The following VPS13D variants were observed in gnomAD, a reference collection of about 807,000 sequenced individuals.
The protein encoded by VPS13D is intermembrane lipid transfer protein VPS13D.
VPS13D carries 187 observed loss-of-function variants against 461.9 expected under a neutral mutation model. That is an observed-to-expected ratio of 0.40 (90% CI 0.36 to 0.46). VPS13D has a LOEUF of 0.46. Among genes scored for constraint, VPS13D ranks in the 20% least tolerant of loss-of-function variants. VPS13D has a pLI of 0.60. For synonymous variants in VPS13D, 1,951 were observed against 1,986.3 expected (o/e 0.98, Z 0.47); for missense variants, 4,711 against 5,364.9 (o/e 0.88, Z 3.81).
At chr1:12,290,890 A>C (rs1462684904) in intron 22 of VPS13D, 108 bp from the exon 23 acceptor site, 8 of 1,102,636 alleles carry the variant, frequency 7.3e-6, no homozygotes, top group African/African-American at 1.6e-5. Flanking sequence ...GTTTGATTAC[A>C]AAGTGAAAAG....
At chr1:12,322,884 T>C (rs920602892) in intron 34 of VPS13D, 138 bp downstream of exon 34, 3 of 720,118 alleles carry the variant, frequency 4.2e-6, no homozygotes, top group Non-Finnish European at 4.5e-6. Context: ...GTCCTAAGTA[T>C]GACTCTCTCA....
intron 59 of VPS13D, 75 bp downstream of exon 59, chr1:12,385,448 C>G: frequency 8.4e-7 from 1 of 1,195,782 alleles, no homozygotes; most frequent in Non-Finnish European, 1.2e-6. Flanking sequence ...TATTTTAGAC[C>G]TTCTGTTTTC....
chr1:12,459,281 A>G (rs1645371851), intron 66 of VPS13D, among the ~76,000 whole-genome samples: 1 of 152,204 alleles, frequency 6.6e-6, no homozygotes, highest in South Asian at 2.1e-4. Context: ...ATTAGCTACA[A>G]TAAATAATCT....
chr1:12,262,020 C>A lies in VPS13D; in HGVS notation c.1534C>A (p.His512Asn). 1.9e-6 allele frequency: 3 copies of A among 1,614,118 alleles called. No individual in the cohort carries two copies. The highest frequency in any genetic ancestry group is 2.5e-6 in the Non-Finnish European group (3 of 1,180,002). The change falls in exon 13 of 70, where the codon CAC becomes AAC. Residue 512 changes from histidine to asparagine, a missense_variant. Around this residue, in one of 3 missense-constraint regions of VPS13D, gnomAD observed 4,411 missense variants for 4,937.8 expected, o/e 0.89. Transcript: ENST00000620676. ...QLQRGTVTLL[H>N]KEQGTPQMNE... ...GCAGCGAGGTACAGTGACTCTGTTA[C>A]ACAAGGAGCAAGGAACTCCTCAAAT...
In VPS13D at chr1:12,383,128, C is replaced by T. The variant is rs554299513; in HGVS notation, c.11343C>T (p.Ile3781=). The T allele has an allele frequency of 5.0e-6, 8 of 1,613,864 alleles. No individual in the cohort carries two copies. Among genetic ancestry groups the T allele is most frequent in the Admixed American group, 1.7e-5 (1 of 59,980 alleles). Residue 3781 remains isoleucine, a synonymous_variant, in exon 58 of 70, where the codon ATC becomes ATT. Transcript: ENST00000620676. ...CTGGAATGTTATCCATCAGAGTCAT[C>T]CCAGATGGACCAACTAGAGCACTCC... ...PGSGMLSIRV[I]PDGPTRALQI...
At chr1:12,233,745 C>T (rs1013582175) in intron 1 of VPS13D, among the ~76,000 whole-genome samples, 1 of 152,148 alleles carries the variant, frequency 6.6e-6, no homozygotes, top group East Asian at 1.9e-4. Context: ...AGCTTCTTGC[C>T]TCATCTTTTA....
At chr1:12,312,063 C>G (rs1642767037) in intron 29 of VPS13D, 138 bp downstream of exon 29, 1 of 686,262 alleles carries the variant, frequency 1.5e-6, no homozygotes, top group African/African-American at 1.8e-5. Context: ...TTTGGTTGAT[C>G]TACACAGTGC....
At chr1:12,423,099 A>G (rs1264251726) in intron 65 of VPS13D, among the ~76,000 whole-genome samples, 2 of 152,140 alleles carry the variant, frequency 1.3e-5, no homozygotes, top group African/African-American at 4.8e-5. Flanking sequence ...TCTTCTTTAT[A>G]GGCAATAAGA....
intron 26 of VPS13D, among the ~76,000 whole-genome samples, chr1:12,307,889 T>A (rs1010687123): frequency 3.3e-5 from 5 of 151,986 alleles, no homozygotes; most frequent in African/African-American, 4.8e-5. Flanking sequence ...AGGTATTTGG[T>A]GGGGAGAGTG....
Position 12,466,652 on chromosome 1 carries a change from A to ATATGTATATGTATAT in VPS13D, c.12662+6256_12662+6257insTATGTATATGTATAT, listed in dbSNP as rs563234643. ...CCAGATGAGTCCGGTACGCTGTAGT[A>ATATGTATATGTATAT]GCATCCATATAGAGGCATGTATATG... On this transcript the variant is annotated intron_variant, in intron 67 of 69. Transcript: ENST00000620676. Among the ~76,000 whole-genome samples the ATATGTATATGTATAT allele has an allele frequency of 1.6e-3, 251 of 152,320 alleles. 4 individuals carry two copies. Among genetic ancestry groups the ATATGTATATGTATAT allele is most frequent in the African/African-American group, 5.8e-3 (243 of 41,576 alleles).
intron 1 of VPS13D, among the ~76,000 whole-genome samples, chr1:12,231,190 A>G (rs1639962541): frequency 6.6e-6 from 1 of 152,098 alleles, no homozygotes; most frequent in Non-Finnish European, 1.5e-5. Context: ...TGGGTAGGGG[A>G]GCCCAGGTGG....
chr1:12,433,949 A>AGAGAGAGAGAGAGAGAGAGAGAGT (rs1553121770), intron 65 of VPS13D, among the ~76,000 whole-genome samples: 2 of 145,006 alleles, frequency 1.4e-5, no homozygotes, highest in South Asian at 4.4e-4. Flanking sequence ...AGAGAGAGAG[A>AGAGAGAGAGAGAGAGAGAGAGAGT]GTGTGTGTGT....
At chr1:12,356,213 C>T in intron 48 of VPS13D, 123 bp downstream of exon 48, 3 of 1,394,662 alleles carry the variant, frequency 2.2e-6, no homozygotes, top group Non-Finnish European at 2.9e-6. Flanking sequence ...GCTGCTGAAA[C>T]ATTCCTGCTT....
intron 67 of VPS13D, among the ~76,000 whole-genome samples, chr1:12,484,785 C>T (rs1035186366): frequency 6.6e-5 from 10 of 152,060 alleles, no homozygotes; most frequent in East Asian, 1.9e-4. Context: ...AGTGTTTTTA[C>T]GGAGTGTCCT....
chr1:12,392,835 C>T (rs1191183791), intron 60 of VPS13D, among the ~76,000 whole-genome samples: 1 of 152,134 alleles, frequency 6.6e-6, no homozygotes, highest in Non-Finnish European at 1.5e-5. Flanking sequence ...GTCATATGGC[C>T]CAGATGGCAG....
chr1:12,309,201 ATCTTTTTTT>A (rs1642659309), intron 27 of VPS13D, among the ~76,000 whole-genome samples: 1 of 147,268 alleles, frequency 6.8e-6, no homozygotes, highest in Non-Finnish European at 1.5e-5. Context: ...GTTTGATTTG[ATCTTTTTTT>A]TCTTTTTTTT....
chr1:12,394,496 C>A (rs1314497773), intron 60 of VPS13D, among the ~76,000 whole-genome samples: 1 of 152,128 alleles, frequency 6.6e-6, no homozygotes, highest in Non-Finnish European at 1.5e-5. Flanking sequence ...TCCAGTTATC[C>A]CCATTGTGTT....
At chr1:12,486,317 G>C (rs190439049) in intron 67 of VPS13D, among the ~76,000 whole-genome samples, 331 of 152,354 alleles carry the variant, frequency 2.2e-3, no homozygotes, top group Non-Finnish European at 2.7e-3. Flanking sequence ...CTTCTTTCCT[G>C]TGTCTAGTTC....
chr1:12,494,558 C>T (rs1019481942), intron 67 of VPS13D, among the ~76,000 whole-genome samples: 2 of 152,210 alleles, frequency 1.3e-5, no homozygotes, highest in Non-Finnish European at 2.9e-5. Context: ...AGCCATCTTT[C>T]GTTGGCTTCT....
Sources: allele counts gnomAD v4.1 joint callset (sites outside exome capture counted in the v4.1 genomes callset), GRCh38; gene constraint gnomAD v4.1.1; regional missense constraint gnomAD v4.1.1; transcripts MANE v1.5; gene names NCBI Gene and HGNC (gene_info 2026-07-23, HGNC 2026-07-21).